Variants in ZNF497 observed in about 807,000 individuals in gnomAD.
The protein encoded by ZNF497 is zinc finger-like protein.
For missense variants in ZNF497, 930 were observed against 714.0 expected (o/e 1.30, Z -3.45); for synonymous variants, 422 against 313.7 (o/e 1.35, Z -3.65).
In ZNF497 at chr19:58,356,140, C is replaced by A; in HGVS notation, c.1496G>T (p.Ter499LeuextTer20). ...CCTCCCGCTCAGGGCGTCCTCGGGT[C>A]AGGGCGCAGCGCGGCCCCCGTGCCG... is the stretch of plus-strand genomic sequence containing the variant. ...QKRHGGRAAP* is the reference protein window; with the variant it reads ...QKRHGGRAAPL The change falls in exon 3 of 3, where the codon TGA (stop) becomes TTA (leucine). Residue 499 changes from the stop codon to leucine, a stop_lost. Transcript: ENST00000311044. The A allele has an allele frequency of 1.3e-6, 2 of 1,549,430 alleles. No homozygotes were observed. The highest frequency in any genetic ancestry group is 1.4e-5 in the African/African-American group (1 of 73,306).
chr19:58,356,935 A>C lies in ZNF497; in HGVS notation c.701T>G (p.Leu234Arg). 9 of 1,599,676 alleles carry C rather than the reference A, an allele frequency of 5.6e-6. No individual in the cohort carries two copies. Among genetic ancestry groups the C allele is most frequent in the Non-Finnish European group, 7.7e-6 (9 of 1,176,234 alleles). The stretch of plus-strand genomic sequence containing the variant: ...GCCCGTGTGCACGCGCCGGTGCTCC[A>C]GGAAATTGGAGTTCCAGCTGAAGGC... ...GKAFSWNSNF[L>R]EHRRVHTGAR... is the part of the protein sequence containing the mutation. The change falls in exon 3 of 3, where the codon CTG becomes CGG. Residue 234 changes from leucine to arginine, a missense_variant. By Grantham distance (102) the Leu-to-Arg change is moderately radical. Transcript: ENST00000311044.
chr19:58,357,367 G>A lies in ZNF497; in HGVS notation c.269C>T (p.Pro90Leu), dbSNP rs2052039373. ...GRDGAGPRSE[P>L]ADRALRPSPL... ...CGAAGGGCGCAACGCCCGGTCTGCA[G>A]GCTCGCTCCTGGGCCCAGCCCCGTC... is the stretch of plus-strand genomic sequence containing the variant. Residue 90 changes from proline (P) to leucine (L), a missense_variant, in exon 3 of 3, where the codon CCT becomes CTT. By Grantham distance (98) the Pro-to-Leu change is moderately conservative (BLOSUM62 -3). Coordinates refer to ENST00000311044, the MANE Select transcript of ZNF497 (RefSeq NM_198458.3). The A allele has an allele frequency of 1.1e-5, 18 of 1,593,994 alleles. No homozygotes were observed. Among genetic ancestry groups the A allele is most frequent in the Non-Finnish European group, 1.5e-5 (17 of 1,171,596 alleles).
chr19:58,359,297 G>GC, intron 1 of ZNF497: 1 of 1,277,400 alleles, frequency 7.8e-7, no homozygotes, highest in Non-Finnish European at 1.0e-6. Context: ...GAGTGCAGCT[G>GC]CATGGCCCAG....
chr19:58,356,125 AG>A lies in ZNF497; in HGVS notation c.*13del. The A allele has an allele frequency of 6.6e-7, 1 of 1,523,136 alleles. No individual in the cohort carries two copies. The allele number at this position is 1,523,136 out of a possible 1,614,324, so 94.4% of individuals were successfully genotyped here. The stretch of plus-strand genomic sequence containing the variant: ...GCCGTGTGTCCGCGACCTCCCGCTC[AG>A]GGCGTCCTCGGGTCAGGGCGCAGCG... On this transcript the variant is annotated 3_prime_UTR_variant, in exon 3 of 3. Coordinates refer to ENST00000311044, the MANE Select transcript of ZNF497 (RefSeq NM_198458.3).
chr19:58,357,080 CGCT>C lies in ZNF497; in HGVS notation c.553_555del (p.Ser185del). The stretch of plus-strand genomic sequence containing the variant: ...TCCGGGCAGCGGAAGGGCTTCAGGC[CGCT>C]GTGTGTCTCCTGGTGGTGGATGAGC... On this transcript the variant is annotated inframe_deletion, in exon 3 of 3. Coordinates refer to ENST00000311044, the MANE Select transcript of ZNF497 (RefSeq NM_198458.3). 1 of 1,608,010 alleles carries C rather than the reference CGCT, an allele frequency of 6.2e-7. No homozygotes were observed. Among genetic ancestry groups the C allele is most frequent in the Non-Finnish European group, 8.5e-7 (1 of 1,175,960 alleles).
chr19:58,361,406 G>C (rs967700058), intron 1 of ZNF497, among the ~76,000 whole-genome samples: 2 of 152,240 alleles, frequency 1.3e-5, no homozygotes, highest in Non-Finnish European at 2.9e-5. Context: ...GCCCAGGTTG[G>C]AGTGCAGTGG....
At chr19:58,360,468 C>T (rs2052079143) in intron 1 of ZNF497, among the ~76,000 whole-genome samples, 1 of 152,158 alleles carries the variant, frequency 6.6e-6, no homozygotes, top group South Asian at 2.1e-4. Context: ...CTTCCCACCT[C>T]AGCCTCCGAA....
At position 58,356,903 on chromosome 19, in the gene ZNF497, G is replaced by A; in HGVS notation, c.733C>T (p.Pro245Ser). The A allele has an allele frequency of 6.3e-7, 1 of 1,592,028 alleles. No homozygotes were observed. Among genetic ancestry groups the A allele is most frequent in the Non-Finnish European group, 8.5e-7 (1 of 1,173,980 alleles). Reference sequence around the variant, plus strand: ...TTGCCACAGTCCCGGCAGGCGTGCGGCCGCGCGCCCGTGTGCACGCGCCGG... The same window carrying A: ...TTGCCACAGTCCCGGCAGGCGTGCGACCGCGCGCCCGTGTGCACGCGCCGG... The part of the protein sequence containing the change: ...EHRRVHTGAR[P>S]HACRDCGKAF... Residue 245 changes from proline to serine, a missense_variant, in exon 3 of 3, where the codon CCG (proline) becomes TCG (serine). Pro to Ser is a moderately conservative substitution (Grantham distance 74). Transcript: ENST00000311044.
At chr19:58,357,891 C>G (rs985448073) in intron 2 of ZNF497, 3 of 1,370,770 alleles carry the variant, frequency 2.2e-6, no homozygotes, top group East Asian at 2.7e-5. Context: ...ACACCCGGCC[C>G]GGCCCAGCAG....
rs1179915659 is a variant in ZNF497 at position 58,356,882 on chromosome 19, C to T, written c.754G>A (p.Gly252Ser). The change falls in exon 3 of 3, where the codon GGC becomes AGC. Residue 252 changes from glycine (G) to serine (S), a missense_variant. Gly to Ser is a moderately conservative substitution (Grantham distance 56). Transcript: ENST00000311044. The part of the protein sequence containing the change: ...GARPHACRDC[G>S]KAFSQSSNLA... ...TTGGAGCTCTGGCTGAAGGCCTTGC[C>T]ACAGTCCCGGCAGGCGTGCGGCCGC... 2 of 1,594,308 alleles carry T rather than the reference C, an allele frequency of 1.3e-6. No homozygotes were observed. Among genetic ancestry groups the T allele is most frequent in the South Asian group, 1.1e-5 (1 of 90,022 alleles).
rs760461412 is a variant in ZNF497 at position 58,357,192 on chromosome 19, G to A, written c.444C>T (p.Asn148=). ...ECGKAFAWSS[N]LSQHQRIHSG... Reference sequence around the variant, plus strand: ...TGTGGATGCGCTGGTGCTGGCTGAGGTTGGAGCTCCAGGCGAAGGCCTTGC... The same window carrying A: ...TGTGGATGCGCTGGTGCTGGCTGAGATTGGAGCTCCAGGCGAAGGCCTTGC... The change falls in exon 3 of 3, where the codon AAC becomes AAT. Residue 148 remains asparagine (N), a synonymous_variant. Transcript: ENST00000311044. The A allele has an allele frequency of 2.5e-6, 4 of 1,611,634 alleles. No homozygotes were observed. In the Admixed American group the frequency reaches 5.0e-5, roughly 20 times the overall value.
Position 58,357,956 on chromosome 19 carries a change from A to G in ZNF497, c.-14-307T>C. ...GACTCAAAGTTGCCCACGCACCTGC[A>G]CTGGCCCTACTGTGGCACCACTCTC... On this transcript the variant is annotated intron_variant, in intron 2 of 2. Transcript: ENST00000311044. The G allele has an allele frequency of 4.6e-6, 6 of 1,316,204 alleles. 1 individual carries two copies. The South Asian group carries it at 9.5e-5, about 21-fold the overall frequency. 81.5% of individuals were successfully genotyped at this position (1,316,204 alleles called of 1,614,324 possible). A position where few individuals can be genotyped will look rare whatever the true frequency, so the allele number is the denominator to read the frequency against.
rs1310636546 is a variant in ZNF497, at chr19:58,354,997, G to A, written c.*1142C>T. 2.0e-5 allele frequency: 3 copies of A among 152,342 alleles called. No individual in the cohort carries two copies. Among genetic ancestry groups the A allele is most frequent in the African/African-American group, 7.2e-5 (3 of 41,474 alleles). The allele number at this position is 152,342 out of a possible 1,614,324, so 9.4% of individuals were successfully genotyped here. A position where few individuals can be genotyped will look rare whatever the true frequency, so the allele number is the denominator to read the frequency against. ...CTTTGGCAGTCCCAACACCAGCCTC[G>A]TTGCACCCTCCTCTTAGCTTCCCTG... On this transcript the variant is annotated 3_prime_UTR_variant, in exon 3 of 3. Coordinates refer to ENST00000311044, the MANE Select transcript of ZNF497 (RefSeq NM_198458.3).
Position 58,360,767 on chromosome 19 carries a change from C to CTTTTTTTT in ZNF497, c.-112+1902_-112+1909dup, listed in dbSNP as rs551580074. Among the ~76,000 whole-genome samples the CTTTTTTTT allele has an allele frequency of 6.4e-4, 22 of 34,528 alleles. 7 individuals carry two copies. Among genetic ancestry groups the CTTTTTTTT allele is most frequent in the Admixed American group, 1.4e-3 (3 of 2,144 alleles). The allele number at this position is 34,528 out of a possible 152,430, so 22.7% of individuals were successfully genotyped here. A position where few individuals can be genotyped will look rare whatever the true frequency, so the allele number is the denominator to read the frequency against. On this transcript the variant is annotated intron_variant, in intron 1 of 2. Coordinates refer to ENST00000311044, the MANE Select transcript of ZNF497 (RefSeq NM_198458.3). ...ATGTTGGCCAGGCTGGTCCCGAACT[C>CTTTTTTTT]TTTTTTTTTTTTTTTTTTTTTTTTT...
chr19:58,362,354 G>A (rs1176303099), intron 1 of ZNF497, among the ~76,000 whole-genome samples: 1 of 152,248 alleles, frequency 6.6e-6, no homozygotes, highest in African/African-American at 2.4e-5. Context: ...ATGAATGTGG[G>A]AAGAAATGAT....
chr19:58,356,493 C>G lies in ZNF497; in HGVS notation c.1143G>C (p.Ser381=). 6.5e-7 allele frequency: 1 copy of G among 1,547,800 alleles called. No homozygotes were observed. Among genetic ancestry groups the G allele is most frequent in the Non-Finnish European group, 8.7e-7 (1 of 1,152,556 alleles). ...CGGCGCAGGCGAAGGGCTTGGCGCC[C>G]GAGTGCGTGCGCCGGTGGCTCAGTA... The part of the protein sequence containing the change: ...SNLLSHRRTH[S]GAKPFACADC... The change falls in exon 3 of 3, where the codon TCG becomes TCC. Residue 381 remains serine (S), a synonymous_variant. Coordinates refer to ENST00000311044, the MANE Select transcript of ZNF497 (RefSeq NM_198458.3).
At chr19:58,360,767 CTTTTTTTTTTTTTTT>C (rs551580074) in intron 1 of ZNF497, among the ~76,000 whole-genome samples, 510 of 34,564 alleles carry the variant, frequency 0.015, 13 homozygotes, top group African/African-American at 0.055. Flanking sequence ...GTCCCGAACT[CTTTTTTTTTTTTTTT>C]TTTTTTTTTT....
chr19:58,357,213 C>G lies in ZNF497; in HGVS notation c.423G>C (p.Lys141Asn). The G allele has an allele frequency of 6.2e-7, 1 of 1,613,266 alleles. No homozygotes were observed. The highest frequency in any genetic ancestry group is 8.5e-7 in the Non-Finnish European group (1 of 1,179,798). ...EKPYTCPECG[K>N]AFAWSSNLSQ... ...TGAGGTTGGAGCTCCAGGCGAAGGC[C>G]TTGCCGCACTCGGGGCACGTGTACG... Residue 141 changes from lysine (K) to asparagine (N), a missense_variant, in exon 3 of 3, where the codon AAG becomes AAC. Transcript: ENST00000311044.
chr19:58,356,462 C>G lies in ZNF497; in HGVS notation c.1174G>C (p.Gly392Arg), dbSNP rs201467235. 179 of 1,552,962 alleles carry G rather than the reference C, an allele frequency of 1.2e-4. 1 individual carries two copies. The African/African-American group carries it at 2.1e-3, about 18-fold the overall frequency. Residue 392 changes from glycine (G) to arginine (R), a missense_variant, in exon 3 of 3, where the codon GGC becomes CGC. Gly to Arg is a moderately radical substitution (Grantham distance 125). Transcript: ENST00000311044. ...CCGGAACTGCCGCGGAAGGCCTTGC[C>G]GCAGTCGGCGCAGGCGAAGGGCTTG... ...GAKPFACADCGKAFRGSSGLA... is the reference protein window; with the variant it reads ...GAKPFACADCRKAFRGSSGLA...
Sources: allele counts gnomAD v4.1 joint callset (sites outside exome capture counted in the v4.1 genomes callset), GRCh38; gene constraint gnomAD v4.1.1; transcripts MANE v1.5; gene names NCBI Gene and HGNC (gene_info 2026-07-23, HGNC 2026-07-21).